The following LRMDA variants were observed in gnomAD, a reference collection of about 807,000 sequenced individuals.
LRMDA encodes leucine rich melanocyte differentiation associated, also known as leucine-rich melanocyte differentiation-associated protein.
In LRMDA, 18 loss-of-function variants were observed where a neutral mutation model predicts 29.8. The ratio of observed to expected loss-of-function variants is 0.60; its 90% CI spans 0.42 to 0.90. The LOEUF (loss-of-function observed/expected upper bound fraction) is 0.90, where lower values mean the gene tolerates loss of function less well. Ranked by LOEUF, LRMDA falls within the 40% of genes least tolerant of loss-of-function variation. LRMDA has a pLI of 0.00. For synonymous variants in LRMDA, 125 were observed against 109.4 expected (o/e 1.14, Z -0.89); for missense variants, 273 against 273.9 (o/e 1.00, Z 0.02).
At chr10:76,400,986 T>C (rs1184372742) in intron 6 of LRMDA, among the ~76,000 whole-genome samples, 1 of 152,218 alleles carries the variant, frequency 6.6e-6, no homozygotes, top group African/African-American at 2.4e-5. Context: ...AAATCCAAAA[T>C]GCTCATTTGA....
chr10:75,638,028 C>A (rs567819948), intron 2 of LRMDA, among the ~76,000 whole-genome samples: 2 of 152,174 alleles, frequency 1.3e-5, no homozygotes, highest in Admixed American at 6.5e-5. Context: ...ATGGGGTGGT[C>A]GTTTCCAAAT....
At chr10:75,741,037 C>G (rs1262424153) in intron 2 of LRMDA, among the ~76,000 whole-genome samples, 1 of 152,106 alleles carries the variant, frequency 6.6e-6, no homozygotes, top group Non-Finnish European at 1.5e-5. Flanking sequence ...TGGGATTGCT[C>G]TGTAATAGAC....
chr10:75,740,503 G>T (rs1842816023), intron 2 of LRMDA, among the ~76,000 whole-genome samples: 2 of 152,102 alleles, frequency 1.3e-5, no homozygotes, highest in Admixed American at 6.5e-5. Context: ...TTTACCCAGG[G>T]CCCCTCTGTG....
chr10:75,766,743 G>A (rs575342367), intron 2 of LRMDA, among the ~76,000 whole-genome samples: 4 of 152,014 alleles, frequency 2.6e-5, no homozygotes, highest in African/African-American at 9.7e-5. Context: ...CATCATCTAG[G>A]TTTTAAGCCC....
At chr10:76,122,932 G>T (rs541074415) in intron 5 of LRMDA, among the ~76,000 whole-genome samples, 2 of 152,106 alleles carry the variant, frequency 1.3e-5, no homozygotes, top group East Asian at 1.9e-4. Context: ...AGGGATGAAG[G>T]TTCCACCTCT....
At chr10:76,479,732 A>G (rs1842717146) in intron 6 of LRMDA, among the ~76,000 whole-genome samples, 1 of 151,914 alleles carries the variant, frequency 6.6e-6, no homozygotes, top group Non-Finnish European at 1.5e-5. Flanking sequence ...GATTTATTTC[A>G]TGTACCTAAA....
intron 2 of LRMDA, among the ~76,000 whole-genome samples, chr10:75,842,808 G>T (rs556624952): frequency 6.6e-6 from 1 of 152,016 alleles, no homozygotes; most frequent in East Asian, 1.9e-4. Flanking sequence ...TGGGAGGATG[G>T]CTTGAGCCCA....
At chr10:76,165,422 C>A (rs1589359653) in intron 5 of LRMDA, among the ~76,000 whole-genome samples, 1 of 152,126 alleles carries the variant, frequency 6.6e-6, no homozygotes, top group South Asian at 2.1e-4. Flanking sequence ...CAGGCATGCA[C>A]GTCCATACCT....
chr10:76,483,559 A>G (rs765338671), intron 6 of LRMDA, among the ~76,000 whole-genome samples: 1 of 151,786 alleles, frequency 6.6e-6, no homozygotes, highest in Non-Finnish European at 1.5e-5. Context: ...GACTATCCTT[A>G]ATTGTTTCCT....
intron 2 of LRMDA, among the ~76,000 whole-genome samples, chr10:75,915,760 A>G (rs1461495329): frequency 6.6e-6 from 1 of 152,148 alleles, no homozygotes; most frequent in African/African-American, 2.4e-5. Context: ...TCTGGAGTTG[A>G]GTGAGACATG....
intron 2 of LRMDA, among the ~76,000 whole-genome samples, chr10:75,689,022 A>G (rs1482809994): frequency 1.3e-5 from 2 of 150,920 alleles, no homozygotes; most frequent in Non-Finnish European, 2.9e-5. Flanking sequence ...TTTTATATGT[A>G]TGGGGAAACA....
At chr10:76,520,252 C>T (rs1376300850) in intron 6 of LRMDA, among the ~76,000 whole-genome samples, 2 of 150,244 alleles carry the variant, frequency 1.3e-5, no homozygotes, top group Admixed American at 1.3e-4. Context: ...TTTTGTAACA[C>T]TAATCTTTCA....
intron 6 of LRMDA, among the ~76,000 whole-genome samples, chr10:76,384,774 ATG>A (rs1244954641): frequency 6.6e-6 from 1 of 152,202 alleles, no homozygotes; most frequent in Non-Finnish European, 1.5e-5. Flanking sequence ...TTTCTTCCAC[ATG>A]TGTTAATATT....
intron 5 of LRMDA, among the ~76,000 whole-genome samples, chr10:76,161,691 G>A (rs373448121): frequency 6.6e-6 from 1 of 152,228 alleles, no homozygotes; most frequent in Non-Finnish European, 1.5e-5. Context: ...GAGGCCAACA[G>A]TCCAAAACTG....
At chr10:75,735,623 G>A (rs1426976730) in intron 2 of LRMDA, among the ~76,000 whole-genome samples, 1 of 152,006 alleles carries the variant, frequency 6.6e-6, no homozygotes, top group East Asian at 1.9e-4. Flanking sequence ...TGAGGCTCTG[G>A]GTTCTGTTTT....
intron 5 of LRMDA, among the ~76,000 whole-genome samples, chr10:76,323,643 T>C (rs1390372730): frequency 6.6e-6 from 1 of 152,176 alleles, no homozygotes; most frequent in Non-Finnish European, 1.5e-5. Context: ...AGTACTTTCT[T>C]TTGGCTTTAG....
At chr10:75,801,417 A>G (rs1313383838) in intron 2 of LRMDA, among the ~76,000 whole-genome samples, 1 of 152,254 alleles carries the variant, frequency 6.6e-6, no homozygotes, top group Non-Finnish European at 1.5e-5. Flanking sequence ...GGGAAAAGCC[A>G]TTTAAACATA....
intron 2 of LRMDA, among the ~76,000 whole-genome samples, chr10:75,551,295 AAAGT>A (rs1321431079): frequency 3.3e-5 from 5 of 152,050 alleles, no homozygotes; most frequent in African/African-American, 1.2e-4. Flanking sequence ...GAAGCACTAA[AAAGT>A]AAGACCATGG....
intron 2 of LRMDA, among the ~76,000 whole-genome samples, chr10:76,010,460 T>C (rs1197064795): frequency 6.6e-6 from 1 of 151,880 alleles, no homozygotes; most frequent in East Asian, 1.9e-4. Flanking sequence ...CTACAGGCGC[T>C]CACTACCATG....
Sources: allele counts gnomAD v4.1 joint callset (sites outside exome capture counted in the v4.1 genomes callset), GRCh38; gene constraint gnomAD v4.1.1; transcripts MANE v1.5; gene names NCBI Gene and HGNC (gene_info 2026-07-23, HGNC 2026-07-21).